Variants in UGT1A4 observed in about 807,000 individuals in gnomAD.
The protein encoded by UGT1A4 is UDP glucuronosyltransferase family 1 member A4.
UGT1A4 carries 32 observed loss-of-function variants against 41.1 expected under a neutral mutation model. The ratio of observed to expected loss-of-function variants is 0.78; its 90% confidence interval spans 0.59 to 1.05. The LOEUF (loss-of-function observed/expected upper bound fraction) is 1.05. UGT1A4 is among the 50% of genes least tolerant of loss of function. UGT1A4 has a pLI of 0.00. For synonymous variants in UGT1A4, 283 were observed against 265.1 expected, an observed-to-expected ratio of 1.07 and a Z score of -0.66; for missense variants, 748 against 677.4, an observed-to-expected ratio of 1.10 and a Z score of -1.16.
rs34028775 is a variant in UGT1A4 at position 233,762,751 on chromosome 2, A to AT, written c.868-4276dup. Among the ~76,000 whole-genome samples the AT allele has an allele frequency of 1.5e-3, 214 of 146,458 alleles. 1 individual carries two copies. Among genetic ancestry groups the AT allele is most frequent in the African/African-American group, 5.0e-3 (200 of 39,700 alleles). ...TTTTGGTCACTACTGTGAATGTGTT[A>AT]TTTTTTTGCATTTCTATCTCTAGCT... On this transcript the variant is annotated intron_variant, in intron 1 of 4. Coordinates refer to ENST00000373409, the MANE Select transcript of UGT1A4 (RefSeq NM_007120.3).
chr2:233,730,870 C>G (rs1312023750), intron 1 of UGT1A4, among the ~76,000 whole-genome samples: 2 of 152,146 alleles, frequency 1.3e-5, no homozygotes, highest in Admixed American at 1.3e-4. Context: ...CTACTGCACT[C>G]CAGGTTTCTA....
chr2:233,767,888 G>A lies in UGT1A4; in HGVS notation c.1039G>A (p.Ala347Thr), dbSNP rs771899094. 2 of 1,614,028 alleles carry A rather than the reference G, an allele frequency of 1.2e-6. No individual in the cohort carries two copies. The highest frequency in any genetic ancestry group is 3.3e-5 in the Admixed American group (2 of 60,002). The stretch of plus-strand genomic sequence containing the variant: ...CACTGGAACCCGACCATCGAATCTT[G>A]CGAACAACACGATACTTGTTAAGTG... ...RYTGTRPSNL[A>T]NNTILVKWLP... Residue 347 changes from alanine to threonine, a missense_variant, in exon 3 of 5, where the codon GCG becomes ACG. By Grantham distance (58) the Ala-to-Thr change is moderately conservative. Transcript: ENST00000373409.
In UGT1A4 at chr2:233,718,839, G is replaced by T; in HGVS notation, c.19G>T (p.Val7Phe). ...TGCTGAGATGGCCAGAGGACTCCAG[G>T]TTCCCCTGCCGCGGCTGGCCACAGG... MARGLQ[V>F]PLPRLATGLL... Residue 7 changes from valine to phenylalanine, a missense_variant, in exon 1 of 5, where the codon GTT (valine) becomes TTT (phenylalanine). By Grantham distance (50) the Val-to-Phe change is conservative. Coordinates refer to ENST00000373409, the MANE Select transcript of UGT1A4 (RefSeq NM_007120.3). 2 of 1,613,658 alleles carry T rather than the reference G, an allele frequency of 1.2e-6. No individual in the cohort carries two copies. Among genetic ancestry groups the T allele is most frequent in the South Asian group, 1.1e-5 (1 of 91,048 alleles).
chr2:233,748,008 C>T (rs1238805175), intron 1 of UGT1A4: 21 of 1,613,360 alleles, frequency 1.3e-5, no homozygotes, highest in Non-Finnish European at 1.8e-5. Context: ...GATGGATTAC[C>T]CCAGGCCGAT....
intron 2 of UGT1A4, 116 bp downstream of exon 2, chr2:233,767,281 C>T: frequency 6.4e-7 from 1 of 1,571,624 alleles, no homozygotes; most frequent in Non-Finnish European, 8.6e-7. Flanking sequence ...TTTTCCCTGC[C>T]ACTTCCCAAC....
chr2:233,739,074 T>A (rs1271021354), intron 1 of UGT1A4: 1 of 152,242 alleles, frequency 6.6e-6, no homozygotes, highest in Non-Finnish European at 1.5e-5. Flanking sequence ...GGTGCAAACC[T>A]CAAGCCTTGG....
rs945545582 is a variant in UGT1A4, at chr2:233,772,813, G to A, written c.*254G>A. On this transcript the variant is annotated 3_prime_UTR_variant, in exon 5 of 5. Coordinates refer to ENST00000373409, the MANE Select transcript of UGT1A4 (RefSeq NM_007120.3). ...TGACATGTGCCATTTTTCAGAGGAC[G>A]TGCAGACAGGCTGGCATTCTAGATT... 2 of 1,026,302 alleles carry A rather than the reference G, an allele frequency of 1.9e-6. No individual in the cohort carries two copies. Among genetic ancestry groups the A allele is most frequent in the Admixed American group, 3.1e-5 (1 of 32,076 alleles). 63.6% of individuals were successfully genotyped at this position (1,026,302 alleles called of 1,614,324 possible).
chr2:233,720,719 T>G (rs77826548), intron 1 of UGT1A4, among the ~76,000 whole-genome samples: 1 of 151,710 alleles, frequency 6.6e-6, no homozygotes, highest in African/African-American at 2.4e-5. Flanking sequence ...TTTTTTTTTT[T>G]TCTTGAGACT....
intron 1 of UGT1A4, among the ~76,000 whole-genome samples, chr2:233,736,379 C>T (rs2078756345): frequency 6.6e-6 from 1 of 152,164 alleles, no homozygotes; most frequent in African/African-American, 2.4e-5. Context: ...TTAAGGTCTT[C>T]TCTACAGTGT....
intron 1 of UGT1A4, among the ~76,000 whole-genome samples, chr2:233,748,454 G>C (rs780753495): frequency 1.7e-4 from 26 of 151,822 alleles, no homozygotes; most frequent in Non-Finnish European, 3.7e-4. Flanking sequence ...ATTTTCAGGG[G>C]AAAGATGATG....
chr2:233,744,977 C>G (rs528812849), intron 1 of UGT1A4, among the ~76,000 whole-genome samples: 5 of 151,856 alleles, frequency 3.3e-5, no homozygotes, highest in Non-Finnish European at 7.3e-5. Flanking sequence ...CTTTAAGCCT[C>G]TAGTCATCTC....
intron 1 of UGT1A4, chr2:233,760,983 C>A: frequency 6.2e-7 from 1 of 1,614,178 alleles, no homozygotes; most frequent in Non-Finnish European, 8.5e-7. Context: ...CGTATGCAAC[C>A]CTTGCCTCAG....
At chr2:233,760,872 G>A in intron 1 of UGT1A4, 1 of 1,614,112 alleles carries the variant, frequency 6.2e-7, no homozygotes, top group Non-Finnish European at 8.5e-7. Flanking sequence ...ACGTGCCCAG[G>A]CCTCTCTCCT....
chr2:233,746,130 T>A (rs757715130), intron 1 of UGT1A4, among the ~76,000 whole-genome samples: 6 of 151,866 alleles, frequency 4.0e-5, no homozygotes, highest in Non-Finnish European at 8.8e-5. Context: ...AACTGTGGAC[T>A]GGCACCTGAG....
At chr2:233,767,269 G>C (rs1288837009) in intron 2 of UGT1A4, 104 bp downstream of exon 2, 10 of 1,582,566 alleles carry the variant, frequency 6.3e-6, no homozygotes, top group Non-Finnish European at 8.5e-7. Flanking sequence ...CTTAGATTTG[G>C]CTTTTCCCTG....
In UGT1A4 at chr2:233,760,260, G is replaced by A. The variant is rs753448247; in HGVS notation, c.868-6774G>A. ...TATATATATATATAAGTAGGAGAGG[G>A]CGAACCTCTGGCAGGAGCAAAGGCG... On this transcript the variant is annotated intron_variant, in intron 1 of 4. Coordinates refer to ENST00000373409, the MANE Select transcript of UGT1A4 (RefSeq NM_007120.3). 3.1e-6 allele frequency: 5 copies of A among 1,611,260 alleles called. 1 individual carries two copies. Among genetic ancestry groups the A allele is most frequent in the South Asian group, 2.2e-5 (2 of 90,906 alleles).
At chr2:233,758,929 A>C (rs1287701238) in intron 1 of UGT1A4, among the ~76,000 whole-genome samples, 2 of 152,152 alleles carry the variant, frequency 1.3e-5, no homozygotes, top group Non-Finnish European at 2.9e-5. Context: ...TTCCCTTTTG[A>C]CTTCAAATCA....
intron 1 of UGT1A4, chr2:233,721,797 A>C (rs7597496): frequency 3.9e-6 from 2 of 511,786 alleles, no homozygotes; most frequent in African/African-American, 3.9e-5. Context: ...TTTAAAGCAC[A>C]TGCAGCAAAA....
intron 1 of UGT1A4, among the ~76,000 whole-genome samples, chr2:233,751,658 T>G (rs978244282): frequency 2.0e-5 from 3 of 152,214 alleles, no homozygotes; most frequent in African/African-American, 7.2e-5. Context: ...CTCATCCTAC[T>G]GAGTGAGTTC....
Sources: allele counts gnomAD v4.1 joint callset (sites outside exome capture counted in the v4.1 genomes callset), GRCh38; gene constraint gnomAD v4.1.1; transcripts MANE v1.5; gene names NCBI Gene and HGNC (gene_info 2026-07-23, HGNC 2026-07-21).